VAPB: variants seen among roughly 807,000 people sequenced by gnomAD.
The protein encoded by VAPB is VAMP associated protein B and C, also known as vesicle-associated membrane protein-associated protein B/C.
A neutral mutation model predicts 25.6 loss-of-function variants in VAPB; 7 were observed. The observed-to-expected ratio is 0.27, with a 90% CI of 0.16 to 0.51. The LOEUF is 0.51. VAPB is among the 20% of genes least tolerant of loss of function. VAPB has a pLI of 0.97. For synonymous variants in VAPB, 112 were observed against 109.2 expected (o/e 1.03, Z -0.16); for missense variants, 266 against 301.3 (o/e 0.88, Z 0.87).
chr20:58,442,657 A>C (rs532420964), intron 5 of VAPB, among the ~76,000 whole-genome samples: 1 of 152,234 alleles, frequency 6.6e-6, no homozygotes, highest in Non-Finnish European at 1.5e-5. Flanking sequence ...TGAGGGTCTA[A>C]TATGTGCCCG....
chr20:58,439,586 C>T (rs1435533998), intron 4 of VAPB: 1 of 158,602 alleles, frequency 6.3e-6, no homozygotes. Flanking sequence ...TAGCAGCATC[C>T]CTGGCTTCTG....
At position 58,389,534 on chromosome 20, in the gene VAPB, G is replaced by T; in HGVS notation, c.58+17G>T. On this transcript the variant is annotated intron_variant, in intron 1 of 5. Coordinates refer to ENST00000475243, the MANE Select transcript of VAPB (RefSeq NM_004738.5). ...AATTCCGAGGTAAGCCCCAGAGGCC[G>T]CCACCTTCCTGCCCGCGGCCTCCGC... 1.3e-6 allele frequency: 2 copies of T among 1,569,450 alleles called. No individual in the cohort carries two copies. Among genetic ancestry groups the T allele is most frequent in the Non-Finnish European group, 1.7e-6 (2 of 1,159,146 alleles).
intron 1 of VAPB, among the ~76,000 whole-genome samples, chr20:58,410,330 G>C (rs1008391326): frequency 3.3e-5 from 5 of 152,122 alleles, no homozygotes; most frequent in Non-Finnish European, 7.3e-5. Flanking sequence ...TATAATATCA[G>C]AGTAGTTTCA....
chr20:58,441,166 A>AT (rs1989152859), intron 5 of VAPB, 83 bp downstream of exon 5: 1 of 1,441,230 alleles, frequency 6.9e-7, no homozygotes, highest in Non-Finnish European at 9.6e-7. Context: ...TGAGCCAGTG[A>AT]ATATATAGAT....
chr20:58,415,928 T>C (rs1347100054), intron 1 of VAPB, among the ~76,000 whole-genome samples: 1 of 152,254 alleles, frequency 6.6e-6, no homozygotes, highest in Non-Finnish European at 1.5e-5. Context: ...AATAAAATTC[T>C]TGGAGCAAAT....
At chr20:58,404,844 C>T (rs1988186621) in intron 1 of VAPB, among the ~76,000 whole-genome samples, 1 of 151,544 alleles carries the variant, frequency 6.6e-6, no homozygotes, top group Non-Finnish European at 1.5e-5. Context: ...GCTGCAGTGC[C>T]CTGTTTCTCT....
intron 1 of VAPB, among the ~76,000 whole-genome samples, chr20:58,391,534 G>T (rs140191266): frequency 0.016 from 2,501 of 151,950 alleles, 224 homozygotes; most frequent in Admixed American, 0.15. Flanking sequence ...GATGCCACTA[G>T]TAGTTTTTTT....
At chr20:58,439,617 C>G (rs942461035) in intron 4 of VAPB, 3 of 157,438 alleles carry the variant, frequency 1.9e-5, no homozygotes, top group African/African-American at 7.2e-5. Flanking sequence ...ACTGGTAGTA[C>G]TTCCCAGTTG....
At chr20:58,390,501 C>T (rs1987768233) in intron 1 of VAPB, among the ~76,000 whole-genome samples, 1 of 151,636 alleles carries the variant, frequency 6.6e-6, no homozygotes, top group Non-Finnish European at 1.5e-5. Context: ...GTGATGGATG[C>T]ACAAGACAGA....
intron 2 of VAPB, among the ~76,000 whole-genome samples, chr20:58,418,744 G>C (rs976120589): frequency 3.3e-5 from 5 of 152,154 alleles, no homozygotes; most frequent in Admixed American, 3.3e-4. Flanking sequence ...CTTTGTGGGA[G>C]AAAGCTAAAT....
At position 58,445,209 on chromosome 20, in the gene VAPB, A is replaced by G. The variant is rs1334926328; in HGVS notation, c.*974A>G. The G allele has an allele frequency of 4.4e-6, 2 of 454,146 alleles. No homozygotes were observed. Among genetic ancestry groups the G allele is most frequent in the East Asian group, 7.0e-5 (1 of 14,386 alleles). 28.1% of individuals were successfully genotyped at this position (454,146 alleles called of 1,614,324 possible). A position where few individuals can be genotyped will look rare whatever the true frequency, so the allele number is the denominator to read the frequency against. ...CAGTAGTGACAGTCAACTCTAGGTT[A>G]CCTTTTTTAATGAAGAGTAGTCAGT... On this transcript the variant is annotated 3_prime_UTR_variant, in exon 6 of 6. Transcript: ENST00000475243.
chr20:58,416,400 C>G (rs558584405), intron 1 of VAPB, among the ~76,000 whole-genome samples: 9 of 69,970 alleles, frequency 1.3e-4, no homozygotes, highest in South Asian at 4.4e-4. Flanking sequence ...ATTTGGGATC[C>G]TCACACCACA....
chr20:58,411,130 C>T (rs1014169954), intron 1 of VAPB, among the ~76,000 whole-genome samples: 6 of 152,104 alleles, frequency 3.9e-5, no homozygotes, highest in African/African-American at 7.2e-5. Context: ...GTCTGTGCAC[C>T]GTTTTTCATT....
intron 1 of VAPB, among the ~76,000 whole-genome samples, chr20:58,403,389 A>G (rs1383012522): frequency 6.6e-6 from 1 of 152,200 alleles, no homozygotes; most frequent in Admixed American, 6.5e-5. Flanking sequence ...CTTCCTAAAA[A>G]GAAATCTTGT....
chr20:58,389,431 C>G lies in VAPB; in HGVS notation c.-29C>G, dbSNP rs1229543194. On this transcript the variant is annotated 5_prime_UTR_variant, in exon 1 of 6. Transcript: ENST00000475243. ...CCCCGGTGACCTCTCAGGGGTCTCCCCGCCAAAGGTGCTCCGCCGCTAAGG... is the reference window on the plus strand; with the variant it reads ...CCCCGGTGACCTCTCAGGGGTCTCCGCGCCAAAGGTGCTCCGCCGCTAAGG... 6.3e-7 allele frequency: 1 copy of G among 1,580,934 alleles called. No homozygotes were observed.
At chr20:58,429,140 C>CTTT (rs11478890) in intron 2 of VAPB, among the ~76,000 whole-genome samples, 1 of 140,438 alleles carries the variant, frequency 7.1e-6, no homozygotes. Flanking sequence ...GCTTGTTAGA[C>CTTT]TTTTTTTTTT....
intron 2 of VAPB, among the ~76,000 whole-genome samples, chr20:58,423,907 G>A (rs1229715857): frequency 6.6e-6 from 1 of 152,136 alleles, no homozygotes; most frequent in African/African-American, 2.4e-5. Context: ...TAAACAAAAA[G>A]TAGAAAAAAG....
At chr20:58,390,379 GTTTTTTT>G (rs11475188) in intron 1 of VAPB, 1 of 133,376 alleles carries the variant, frequency 7.5e-6, no homozygotes, top group Non-Finnish European at 1.6e-5. Flanking sequence ...TGTTACTTTT[GTTTTTTT>G]TTTTTTTTTC....
At position 58,404,835 on chromosome 20, in the gene VAPB, C is replaced by T. The variant is rs376616869; in HGVS notation, c.59-13376C>T. ...TTGTTCTGTGTATTCTGGGTGGGAG[C>T]TGCAGTGCCCTGTTTCTCTCTCTAG... On this transcript the variant is annotated intron_variant, in intron 1 of 5. Coordinates refer to ENST00000475243, the MANE Select transcript of VAPB (RefSeq NM_004738.5). Among the ~76,000 whole-genome samples the T allele has an allele frequency of 2.6e-5, 4 of 152,064 alleles. No homozygotes were observed. In the East Asian group the frequency reaches 5.8e-4, roughly 22 times the overall value.
Sources: allele counts gnomAD v4.1 joint callset (sites outside exome capture counted in the v4.1 genomes callset), GRCh38; gene constraint gnomAD v4.1.1; transcripts MANE v1.5; gene names NCBI Gene and HGNC (gene_info 2026-07-23, HGNC 2026-07-21).